The following PLPPR5 variants were observed in gnomAD, a reference collection of about 807,000 sequenced individuals.
PLPPR5 encodes the protein phospholipid phosphatase related 5.
A neutral mutation model predicts 33.9 loss-of-function variants in PLPPR5; 16 were observed. That is an observed-to-expected ratio of 0.47 (90% CI 0.32 to 0.72). The LOEUF (loss-of-function observed/expected upper bound fraction) is 0.72, where lower values mean the gene tolerates loss of function less well. Ranked by LOEUF, PLPPR5 falls within the 30% of genes least tolerant of loss-of-function variation. PLPPR5 has a pLI of 0.03. For missense variants in PLPPR5, 301 were observed against 406.7 expected (o/e 0.74, Z 2.23); for synonymous variants, 163 against 150.3 (o/e 1.08, Z -0.62).
At chr1:98,957,997 T>A (rs1651076895) in intron 1 of PLPPR5, among the ~76,000 whole-genome samples, 1 of 152,178 alleles carries the variant, frequency 6.6e-6, no homozygotes, top group African/African-American at 2.4e-5. Flanking sequence ...GAAATGGAGA[T>A]TTAGGGAAGT....
At chr1:98,935,244 G>C (rs1412253189) in intron 3 of PLPPR5, among the ~76,000 whole-genome samples, 2 of 152,176 alleles carry the variant, frequency 1.3e-5, no homozygotes. Flanking sequence ...CTTGAAGCCA[G>C]GTCCGCACAT....
At chr1:98,932,659 A>G (rs1227587956) in intron 3 of PLPPR5, among the ~76,000 whole-genome samples, 1 of 152,154 alleles carries the variant, frequency 6.6e-6, no homozygotes, top group Non-Finnish European at 1.5e-5. Flanking sequence ...GAATCTATTG[A>G]TTTTTCTAAA....
intron 1 of PLPPR5, among the ~76,000 whole-genome samples, chr1:98,970,567 TA>T (rs1487982264): frequency 6.6e-6 from 1 of 151,884 alleles, no homozygotes; most frequent in Non-Finnish European, 1.5e-5. Context: ...CTTGTCATTT[TA>T]AAAAGTGACA....
intron 5 of PLPPR5, among the ~76,000 whole-genome samples, chr1:98,902,100 C>A (rs1473235165): frequency 6.6e-6 from 1 of 151,930 alleles, no homozygotes; most frequent in Non-Finnish European, 1.5e-5. Flanking sequence ...AACCTATGTC[C>A]CTTTCTCCTT....
chr1:98,990,992 T>C (rs1280814090), intron 1 of PLPPR5: 2 of 152,204 alleles, frequency 1.3e-5, no homozygotes, highest in Non-Finnish European at 2.9e-5. Context: ...TGCTAGTCTA[T>C]AGGAATTTAT....
chr1:98,897,248 C>T (rs891381680), intron 5 of PLPPR5, among the ~76,000 whole-genome samples: 17 of 152,006 alleles, frequency 1.1e-4, no homozygotes, highest in African/African-American at 4.1e-4. Flanking sequence ...CTCCAGCGCA[C>T]ATACGTTTAT....
chr1:98,968,558 G>A (rs1651534416), intron 1 of PLPPR5, among the ~76,000 whole-genome samples: 1 of 151,980 alleles, frequency 6.6e-6, no homozygotes, highest in South Asian at 2.1e-4. Context: ...GTAGCAGGAT[G>A]TTAAGTGATA....
chr1:98,962,030 A>C (rs1186105358), intron 1 of PLPPR5, among the ~76,000 whole-genome samples: 1 of 152,118 alleles, frequency 6.6e-6, no homozygotes, highest in East Asian at 1.9e-4. Flanking sequence ...TTACATCCAA[A>C]ATAAAATCCA....
At chr1:98,948,870 G>C (rs1418342325) in intron 3 of PLPPR5, among the ~76,000 whole-genome samples, 1 of 152,158 alleles carries the variant, frequency 6.6e-6, no homozygotes, top group Non-Finnish European at 1.5e-5. Context: ...GATTGTTGTT[G>C]TTTTAAGGTC....
intron 1 of PLPPR5, among the ~76,000 whole-genome samples, chr1:98,988,827 A>G (rs1197805723): frequency 1.3e-5 from 2 of 152,052 alleles, no homozygotes; most frequent in Non-Finnish European, 2.9e-5. Context: ...TATAGTTGTA[A>G]TTTCTCAATC....
chr1:99,000,982 G>T (rs951296227), intron 1 of PLPPR5, among the ~76,000 whole-genome samples: 1 of 152,038 alleles, frequency 6.6e-6, no homozygotes, highest in Non-Finnish European at 1.5e-5. Flanking sequence ...TAATGATGTA[G>T]TGAACTCTTA....
In PLPPR5 at chr1:98,890,639, A is replaced by G. The variant is rs1394152468; in HGVS notation, c.*2433T>C. On this transcript the variant is annotated 3_prime_UTR_variant, in exon 6 of 6. Coordinates refer to ENST00000263177, the MANE Select transcript of PLPPR5 (RefSeq NM_001037317.2). ...TGTTTGCCTGCTTTTACTAGACTAC[A>G]TATGTACATATTTACATGGTAATAT... The G allele has an allele frequency of 2.0e-5, 3 of 152,550 alleles. No individual in the cohort carries two copies. Among genetic ancestry groups the G allele is most frequent in the Non-Finnish European group, 2.9e-5 (2 of 67,998 alleles). 9.4% of individuals were successfully genotyped at this position (152,550 alleles called of 1,614,324 possible). A position where few individuals can be genotyped will look rare whatever the true frequency, so the allele number is the denominator to read the frequency against.
At chr1:98,977,704 G>C (rs925405811) in intron 1 of PLPPR5, among the ~76,000 whole-genome samples, 3 of 151,026 alleles carry the variant, frequency 2.0e-5, no homozygotes, top group Non-Finnish European at 4.4e-5. Context: ...TTTTTATTCA[G>C]GTTAATTTCT....
intron 1 of PLPPR5, among the ~76,000 whole-genome samples, chr1:98,997,097 A>T (rs750305040): frequency 6.6e-6 from 1 of 152,202 alleles, no homozygotes; most frequent in Non-Finnish European, 1.5e-5. Context: ...GATTAAGTAC[A>T]CATAATGTCA....
intron 1 of PLPPR5, among the ~76,000 whole-genome samples, chr1:98,980,231 G>C (rs1037365404): frequency 6.6e-6 from 1 of 151,964 alleles, no homozygotes; most frequent in South Asian, 2.1e-4. Context: ...TACTACTTTT[G>C]TTCCTCATAG....
chr1:99,001,671 G>GAGATATATATAT (rs1553173331), intron 1 of PLPPR5, among the ~76,000 whole-genome samples: 52 of 102,180 alleles, frequency 5.1e-4, no homozygotes, highest in African/African-American at 1.9e-3. Flanking sequence ...GAAAGTTAAA[G>GAGATATATATAT]ATATATATAT....
At chr1:98,903,563 G>A (rs1402321248) in intron 5 of PLPPR5, among the ~76,000 whole-genome samples, 1 of 151,978 alleles carries the variant, frequency 6.6e-6, no homozygotes, top group Non-Finnish European at 1.5e-5. Context: ...TTTGTGCGAT[G>A]TATGAAATAG....
rs75881881 is a variant in PLPPR5 at position 98,945,499 on chromosome 1, T to C, written c.621+7571A>G. The stretch of plus-strand genomic sequence containing the variant: ...TTCAATGGGGGTACCTTCCAGGAGG[T>C]AGTGTGATGTAAAAGACCAAATATC... On this transcript the variant is annotated intron_variant, in intron 3 of 5. Transcript: ENST00000263177. Among the ~76,000 whole-genome samples, 1,049 of 152,160 alleles carry C rather than the reference T, an allele frequency of 6.9e-3. 10 individuals are homozygous for C. The highest frequency in any genetic ancestry group is 0.024 in the African/African-American group (993 of 41,498).
intron 3 of PLPPR5, among the ~76,000 whole-genome samples, chr1:98,932,607 A>G (rs935427575): frequency 6.6e-6 from 1 of 152,226 alleles, no homozygotes; most frequent in Admixed American, 6.5e-5. Context: ...AGTAGTTACT[A>G]TATTTTGGAA....
Sources: allele counts gnomAD v4.1 joint callset (sites outside exome capture counted in the v4.1 genomes callset), GRCh38; gene constraint gnomAD v4.1.1; transcripts MANE v1.5; gene names NCBI Gene and HGNC (gene_info 2026-07-23, HGNC 2026-07-21).